The following CSMD1 variants were observed in gnomAD, a reference collection of about 807,000 sequenced individuals.
CSMD1 encodes CUB and Sushi multiple domains 1.
A neutral mutation model predicts 417.5 loss-of-function variants in CSMD1; 213 were observed. The observed-to-expected ratio is 0.51, with a 90% CI of 0.46 to 0.57. The LOEUF (loss-of-function observed/expected upper bound fraction) is 0.57. Ranked by LOEUF, CSMD1 falls within the 20% of genes least tolerant of loss-of-function variation. The pLI, the probability that CSMD1 is intolerant of heterozygous loss-of-function variation, is 0.00. For synonymous variants in CSMD1, 2,862 were observed against 1,736.8 expected, an observed-to-expected ratio of 1.65 and a Z score of -16.11; for missense variants, 6,923 against 4,529.7, an observed-to-expected ratio of 1.53 and a Z score of -15.17.
intron 65 of CSMD1, among the ~76,000 whole-genome samples, chr8:2,953,346 C>G (rs1802764875): frequency 6.6e-6 from 1 of 151,880 alleles, no homozygotes; most frequent in African/African-American, 2.4e-5. Flanking sequence ...CACACAGCAT[C>G]CTGACAATAT....
At chr8:4,826,278 T>C (rs1585166876) in intron 1 of CSMD1, among the ~76,000 whole-genome samples, 1 of 152,028 alleles carries the variant, frequency 6.6e-6, no homozygotes, top group African/African-American at 2.4e-5. Flanking sequence ...ATGTGACATA[T>C]ACACACATAC....
chr8:4,941,374 A>G (rs1807988175), intron 1 of CSMD1, among the ~76,000 whole-genome samples: 1 of 152,188 alleles, frequency 6.6e-6, no homozygotes, highest in African/African-American at 2.4e-5. Flanking sequence ...CAAAATAAAA[A>G]TATTATCTTT....
At position 4,792,491 on chromosome 8, in the gene CSMD1, G is replaced by C. The variant is rs189847363; in HGVS notation, c.86-154933C>G. Among the ~76,000 whole-genome samples, 369 of 152,082 alleles carry C rather than the reference G, an allele frequency of 2.4e-3. 2 individuals are homozygous for C. The highest frequency in any genetic ancestry group is 8.5e-3 in the African/African-American group (353 of 41,450). ...TGAATATTCTTCATTTTCTATTCCCGTTCCCTGGGCAGTTGTGGTTGCTGT... is the reference window on the plus strand; with the variant it reads ...TGAATATTCTTCATTTTCTATTCCCCTTCCCTGGGCAGTTGTGGTTGCTGT... On this transcript the variant is annotated intron_variant, in intron 1 of 69. Coordinates refer to ENST00000635120, the MANE Select transcript of CSMD1 (RefSeq NM_033225.6).
intron 5 of CSMD1, among the ~76,000 whole-genome samples, chr8:3,992,454 G>A (rs964120128): frequency 6.6e-6 from 1 of 152,152 alleles, no homozygotes; most frequent in African/African-American, 2.4e-5. Flanking sequence ...GCTTACAACA[G>A]GTTTGTGAAA....
chr8:4,889,535 A>C (rs1803969250), intron 1 of CSMD1, among the ~76,000 whole-genome samples: 1 of 152,086 alleles, frequency 6.6e-6, no homozygotes, highest in Non-Finnish European at 1.5e-5. Flanking sequence ...GTTGTATGAA[A>C]GGTAGACAAC....
At chr8:4,312,971 C>A (rs912732265) in intron 3 of CSMD1, among the ~76,000 whole-genome samples, 1 of 152,078 alleles carries the variant, frequency 6.6e-6, no homozygotes, top group African/African-American at 2.4e-5. Context: ...ATTTGACCTG[C>A]AAGGTAAGTT....
At chr8:4,216,648 T>C (rs1001921141) in intron 3 of CSMD1, among the ~76,000 whole-genome samples, 2 of 152,166 alleles carry the variant, frequency 1.3e-5, no homozygotes, top group African/African-American at 4.8e-5. Flanking sequence ...CCTGTGTTCT[T>C]TCGTAAATGA....
chr8:4,376,816 T>C (rs577421990), intron 3 of CSMD1, among the ~76,000 whole-genome samples: 1 of 152,262 alleles, frequency 6.6e-6, no homozygotes, highest in Non-Finnish European at 1.5e-5. Context: ...ACTTTCATGT[T>C]CCTCACCCCT....
At chr8:3,524,263 G>GCA (rs368229772) in intron 10 of CSMD1, among the ~76,000 whole-genome samples, 1,657 of 135,576 alleles carry the variant, frequency 0.012, 30 homozygotes, top group African/African-American at 0.043. Flanking sequence ...ATACACACAA[G>GCA]CACACACACA....
intron 3 of CSMD1, among the ~76,000 whole-genome samples, chr8:4,242,627 G>T (rs912121833): frequency 2.6e-5 from 4 of 152,120 alleles, no homozygotes; most frequent in African/African-American, 9.7e-5. Flanking sequence ...AGTTCATGAG[G>T]CATCTTTGTG....
intron 30 of CSMD1, among the ~76,000 whole-genome samples, chr8:3,208,967 T>C (rs1453550602): frequency 6.6e-6 from 1 of 152,200 alleles, no homozygotes; most frequent in East Asian, 1.9e-4. Flanking sequence ...CCTTTATATA[T>C]GTAACTATTC....
At chr8:3,903,136 G>A (rs1563194829) in intron 5 of CSMD1, among the ~76,000 whole-genome samples, 1 of 152,112 alleles carries the variant, frequency 6.6e-6, no homozygotes. Flanking sequence ...GCACTTTGGA[G>A]AAACCTGTAT....
intron 7 of CSMD1, among the ~76,000 whole-genome samples, chr8:3,661,928 G>A (rs561416255): frequency 6.6e-5 from 10 of 152,312 alleles, no homozygotes; most frequent in Admixed American, 5.2e-4. Context: ...TAGCAAAGAG[G>A]AGTAAGATTG....
intron 5 of CSMD1, among the ~76,000 whole-genome samples, chr8:3,914,443 T>C (rs533921610): frequency 1.3e-5 from 2 of 152,292 alleles, no homozygotes; most frequent in East Asian, 3.9e-4. Flanking sequence ...AAATCTTCTA[T>C]TTCTAACGCT....
At chr8:4,698,627 G>C (rs1186933180) in intron 1 of CSMD1, among the ~76,000 whole-genome samples, 1 of 146,686 alleles carries the variant, frequency 6.8e-6, no homozygotes, top group African/African-American at 2.6e-5. Context: ...TAAGGAGCAG[G>C]AAGTTTAATA....
intron 3 of CSMD1, among the ~76,000 whole-genome samples, chr8:4,286,606 T>G (rs1445789582): frequency 3.3e-5 from 5 of 152,174 alleles, no homozygotes; most frequent in East Asian, 1.9e-4. Context: ...TCTATTAGGT[T>G]TGGGAACACC....
chr8:3,745,742 G>C (rs910323817), intron 6 of CSMD1, among the ~76,000 whole-genome samples: 2 of 152,204 alleles, frequency 1.3e-5, no homozygotes, highest in Non-Finnish European at 2.9e-5. Context: ...TTAAGCAACA[G>C]CTTCGCCATT....
intron 5 of CSMD1, among the ~76,000 whole-genome samples, chr8:3,785,281 G>T (rs559013629): frequency 6.6e-6 from 1 of 152,212 alleles, no homozygotes; most frequent in African/African-American, 2.4e-5. Flanking sequence ...CACGACAGAA[G>T]CATTTATAAA....
At position 4,837,418 on chromosome 8, in the gene CSMD1, G is replaced by A. The variant is rs910030632; in HGVS notation, c.85+156914C>T. ...ATGGAGTACTATTCAACCATAAAAA[G>A]AATGAGATTCTATCATTTGCAACAA... On this transcript the variant is annotated intron_variant, in intron 1 of 69. Transcript: ENST00000635120. Among the ~76,000 whole-genome samples, 25 of 152,234 alleles carry A rather than the reference G, an allele frequency of 1.6e-4. 1 individual carries two copies. Among genetic ancestry groups the A allele is most frequent in the South Asian group, 8.3e-4 (4 of 4,822 alleles).
Sources: gnomAD v4.1 joint callset for allele counts (sites outside exome capture counted in the v4.1 genomes callset) on GRCh38, gnomAD v4.1.1 for gene constraint, MANE v1.5 for transcripts, NCBI Gene and HGNC (gene_info 2026-07-23, HGNC 2026-07-21) for gene names.